The following TRIM27 variants were observed in gnomAD, a reference collection of about 807,000 sequenced individuals.
TRIM27 encodes tripartite motif containing 27.
Under a neutral mutation model 57.6 loss-of-function variants are expected in TRIM27, and 12 were observed. The ratio of observed to expected loss-of-function variants is 0.21; its 90% CI spans 0.13 to 0.34. The LOEUF (loss-of-function observed/expected upper bound fraction) is 0.34. Among genes scored for constraint, TRIM27 ranks in the 10% least tolerant of loss-of-function variants. The probability of loss-of-function intolerance (pLI) is 1.00; values close to 1 mark genes in which losing one functional copy is unlikely to be tolerated. For synonymous variants in TRIM27, 266 were observed against 259.0 expected, an observed-to-expected ratio of 1.03 and a Z score of -0.26; for missense variants, 403 against 656.8, an observed-to-expected ratio of 0.61 and a Z score of 4.22.
chr6:28,916,029 G>A (rs1157528330), intron 3 of TRIM27, among the ~76,000 whole-genome samples: 1 of 151,968 alleles, frequency 6.6e-6, no homozygotes, highest in African/African-American at 2.4e-5. Context: ...TGATTGTCCT[G>A]CCTCAGCCTC....
intron 1 of TRIM27, 68 bp from the exon 2 acceptor site, chr6:28,922,055 A>T: frequency 8.4e-7 from 1 of 1,195,036 alleles, no homozygotes; most frequent in Non-Finnish European, 1.2e-6. Flanking sequence ...GGTACTTCTT[A>T]TCACACATGG....
chr6:28,913,574 T>C (rs1331787851), intron 3 of TRIM27, among the ~76,000 whole-genome samples: 1 of 151,310 alleles, frequency 6.6e-6, no homozygotes, highest in Admixed American at 6.6e-5. Context: ...CCCACTGGCA[T>C]ATGAGTGTCT....
rs1481860591 is a variant in TRIM27 at position 28,904,162 on chromosome 6, C to T, written c.1450G>A (p.Ala484Thr). Residue 484 changes from alanine to threonine, a missense_variant, in exon 8 of 8, where the codon GCA (alanine) becomes ACA (threonine). Ala to Thr is a moderately conservative substitution (Grantham distance 58). Transcript: ENST00000377199. This position sits in a 1 kb window ranked among gnomAD's most constrained non-coding sequence, Gnocchi z 6.1. ...ATGGGGCAGATGATCAGAGGAGCTG[C>T]ACTTTTCCCTCCCGAGTAACTCAGA... ...FSLSYSGGKS[A>T]APLIICPMSG... is the part of the protein sequence containing the mutation. The T allele has an allele frequency of 1.2e-6, 2 of 1,613,078 alleles. No homozygotes were observed. The highest frequency in any genetic ancestry group is 1.3e-5 in the African/African-American group (1 of 75,048).
In TRIM27 at chr6:28,923,830, C is replaced by A; in HGVS notation, c.-198G>T. 1.7e-6 allele frequency: 1 copy of A among 597,298 alleles called. No individual in the cohort carries two copies. The highest frequency in any genetic ancestry group is 2.8e-6 in the Non-Finnish European group (1 of 354,512). 37.0% of individuals were successfully genotyped at this position (597,298 alleles called of 1,614,324 possible). On this transcript the variant is annotated 5_prime_UTR_variant, in exon 1 of 8. Transcript: ENST00000377199. ...GGCCGGGCCGATGCCTGCGCCTGTGCCCCCTAAGCGAGAGCGGGAATACGG... is the reference window on the plus strand; with the variant it reads ...GGCCGGGCCGATGCCTGCGCCTGTGACCCCTAAGCGAGAGCGGGAATACGG...
intron 3 of TRIM27, among the ~76,000 whole-genome samples, chr6:28,913,557 C>T (rs1378890422): frequency 6.6e-6 from 1 of 151,792 alleles, no homozygotes; most frequent in African/African-American, 2.4e-5. Context: ...TTTTGCATTC[C>T]TACCAGCCCA....
chr6:28,912,765 C>T (rs552165809), intron 3 of TRIM27, among the ~76,000 whole-genome samples: 1 of 152,190 alleles, frequency 6.6e-6, no homozygotes, highest in South Asian at 2.1e-4. Flanking sequence ...ATAGTTATAT[C>T]TTCAAAGTAA....
chr6:28,923,645 C>A lies in TRIM27; in HGVS notation c.-13G>T. 1.3e-6 allele frequency: 2 copies of A among 1,543,066 alleles called. No individual in the cohort carries two copies. The highest frequency in any genetic ancestry group is 1.8e-6 in the Non-Finnish European group (2 of 1,141,212). ...TCCCGGAGGCCATGGCGCCGGCCTG[C>A]GGGGGCGCACGGGCATGGGCCCCGG... On this transcript the variant is annotated 5_prime_UTR_variant, in exon 1 of 8. Coordinates refer to ENST00000377199, the MANE Select transcript of TRIM27 (RefSeq NM_006510.5).
chr6:28,911,802 C>T (rs1463325312), intron 3 of TRIM27, 84 bp from the exon 4 acceptor site: 1 of 1,324,004 alleles, frequency 7.6e-7, no homozygotes, highest in Non-Finnish European at 1.1e-6. Context: ...GAAAAACCAA[C>T]TACAGACTGG....
intron 4 of TRIM27, among the ~76,000 whole-genome samples, chr6:28,910,753 G>T (rs1024648782): frequency 3.9e-5 from 6 of 152,190 alleles, no homozygotes; most frequent in Non-Finnish European, 7.3e-5. Context: ...AACTCTGTAT[G>T]TTAGGTCACA....
At chr6:28,908,433 G>C in intron 6 of TRIM27, 1 of 206,902 alleles carries the variant, frequency 4.8e-6, no homozygotes, top group African/African-American at 2.3e-5. Context: ...GCTGGCACCT[G>C]TGCCCACAAG....
rs1772601895 is a variant in TRIM27 at position 28,904,253 on chromosome 6, T to C, written c.1359A>G (p.Thr453=). The C allele has an allele frequency of 6.2e-7, 1 of 1,613,002 alleles. No homozygotes were observed. The highest frequency in any genetic ancestry group is 8.5e-7 in the Non-Finnish European group (1 of 1,180,042). The change falls in exon 8 of 8, where the codon ACA becomes ACG. Residue 453 remains threonine, a synonymous_variant. Transcript: ENST00000377199. This position sits in a 1 kb window ranked among gnomAD's most constrained non-coding sequence, Gnocchi z 6.1. The stretch of plus-strand genomic sequence containing the variant: ...AGAAAGTGAAGGTGTGACACCTCTC[T>C]GTCACGTTGTAGAAGGAGACCTCAC... The part of the protein sequence containing the change: ...DAGEVSFYNV[T]ERCHTFTFSH...
intron 3 of TRIM27, 25 bp downstream of exon 3, chr6:28,919,987 T>A (rs1271091553): frequency 1.2e-6 from 2 of 1,600,666 alleles, no homozygotes; most frequent in Admixed American, 3.4e-5. Flanking sequence ...TGGGTGCTGC[T>A]CTAGCAGGGC....
At chr6:28,916,063 T>C (rs974928867) in intron 3 of TRIM27, among the ~76,000 whole-genome samples, 2 of 151,816 alleles carry the variant, frequency 1.3e-5, no homozygotes, top group African/African-American at 2.4e-5. Flanking sequence ...ATTACAGGCA[T>C]GCGCCACCAC....
intron 2 of TRIM27, among the ~76,000 whole-genome samples, chr6:28,921,162 C>A (rs1774000958): frequency 6.6e-6 from 1 of 152,182 alleles, no homozygotes; most frequent in Non-Finnish European, 1.5e-5. Context: ...GGGCGGATCA[C>A]CTGAGGTCGG....
intron 6 of TRIM27, 134 bp from the exon 7 acceptor site, chr6:28,907,396 C>T (rs1772844488): frequency 2.3e-6 from 2 of 851,104 alleles, no homozygotes; most frequent in African/African-American, 1.7e-5. Context: ...GTTAGTCATG[C>T]ACTAATTTTT....
chr6:28,917,265 A>G (rs1773679733), intron 3 of TRIM27, among the ~76,000 whole-genome samples: 1 of 152,006 alleles, frequency 6.6e-6, no homozygotes, highest in Non-Finnish European at 1.5e-5. Context: ...GATTTGAGAA[A>G]GCAAAGCTGA....
intron 1 of TRIM27, among the ~76,000 whole-genome samples, chr6:28,922,979 T>G (rs1438738443): frequency 6.6e-6 from 1 of 151,996 alleles, no homozygotes; most frequent in Non-Finnish European, 1.5e-5. Context: ...ACAGGTAACA[T>G]GGGGGTAAAC....
Position 28,920,812 on chromosome 6 carries a change from A to G in TRIM27, c.517-570T>C, listed in dbSNP as rs541620678. On this transcript the variant is annotated intron_variant, in intron 2 of 7. Transcript: ENST00000377199. Reference sequence around the variant, plus strand: ...GAAGCATGGAAGATTGTCACACAGGAAAGTGACAGGGTCAGATATGTGCCC... The same window carrying G: ...GAAGCATGGAAGATTGTCACACAGGGAAGTGACAGGGTCAGATATGTGCCC... Among the ~76,000 whole-genome samples, 41 of 152,220 alleles carry G rather than the reference A, an allele frequency of 2.7e-4. No homozygotes were observed. The South Asian group carries it at 5.8e-3, about 22-fold the overall frequency.
At chr6:28,917,175 A>C (rs1205127102) in intron 3 of TRIM27, among the ~76,000 whole-genome samples, 2 of 151,854 alleles carry the variant, frequency 1.3e-5, no homozygotes, top group African/African-American at 2.4e-5. Flanking sequence ...AAAAAAAAAC[A>C]CTCAAGTCCA....
Sources: allele counts gnomAD v4.1 joint callset (sites outside exome capture counted in the v4.1 genomes callset), GRCh38; gene constraint gnomAD v4.1.1; non-coding constraint Gnocchi (gnomAD v3.1); transcripts MANE v1.5; gene names NCBI Gene and HGNC (gene_info 2026-07-23, HGNC 2026-07-21).